UTP11: variants seen among roughly 807,000 people sequenced by gnomAD.
UTP11 encodes the protein UTP11 small subunit processome component, also known as probable U3 small nucleolar RNA-associated protein 11.
UTP11 carries 29 observed loss-of-function variants against 39.0 expected under a neutral mutation model. That is an observed-to-expected ratio of 0.74 (90% CI 0.55 to 1.01). UTP11 has a LOEUF of 1.01. UTP11 is among the 50% of genes least tolerant of loss of function. The pLI is 0.00. For synonymous variants in UTP11, 111 were observed against 105.0 expected, an observed-to-expected ratio of 1.06 and a Z score of -0.35; for missense variants, 281 against 306.0, an observed-to-expected ratio of 0.92 and a Z score of 0.61.
chr1:38,017,558 CTGTG>C, intron 2 of UTP11, 106 bp from the exon 3 acceptor site: 4 of 816,406 alleles, frequency 4.9e-6, no homozygotes, highest in South Asian at 4.2e-5. Context: ...GAGTTTCACT[CTGTG>C]TGACCTTTTA....
chr1:38,018,472 A>G lies in UTP11; in HGVS notation c.237A>G (p.Val79=). ...KMTRVKLQDG[V]HIIKETKEEV... ...TTAAATTTGGATTTTAGGATGGAGT[A>G]CATATTATTAAGGAGACTAAGGAAG... Residue 79 remains valine, a synonymous_variant, in exon 4 of 8, where the codon GTA becomes GTG. Transcript: ENST00000373014. 1 of 1,608,854 alleles carries G rather than the reference A, an allele frequency of 6.2e-7. No homozygotes were observed. Among genetic ancestry groups the G allele is most frequent in the South Asian group, 1.1e-5 (1 of 90,262 alleles).
At chr1:38,018,195 C>T (rs1321047635) in intron 3 of UTP11, among the ~76,000 whole-genome samples, 1 of 152,006 alleles carries the variant, frequency 6.6e-6, no homozygotes, top group African/African-American at 2.4e-5. Flanking sequence ...CTCAGCCTCT[C>T]GAGTAGCTGA....
intron 6 of UTP11, among the ~76,000 whole-genome samples, chr1:38,021,762 G>A (rs971526279): frequency 9.2e-5 from 14 of 151,966 alleles, no homozygotes; most frequent in Non-Finnish European, 1.9e-4. Context: ...GCGTGGTGGC[G>A]GGCACCTGTA....
In UTP11 at chr1:38,019,244, G is replaced by A; in HGVS notation, c.437-9G>A. The A allele has an allele frequency of 6.2e-7, 1 of 1,614,020 alleles. No homozygotes were observed. The highest frequency in any genetic ancestry group is 1.3e-5 in the African/African-American group (1 of 75,014). ...CCGACAGTGCCTTAAGGATTGTCTTGAATTTTAGTTGAACAGTTTGATGTC... is the reference window on the plus strand; with the variant it reads ...CCGACAGTGCCTTAAGGATTGTCTTAAATTTTAGTTGAACAGTTTGATGTC... On this transcript the variant is annotated splice_polypyrimidine_tract_variant and intron_variant, in intron 5 of 7. Transcript: ENST00000373014.
At chr1:38,015,708 T>C (rs116051170) in intron 1 of UTP11, among the ~76,000 whole-genome samples, 1,941 of 152,282 alleles carry the variant, frequency 0.013, 56 homozygotes, top group African/African-American at 0.045. Context: ...AGAAAGTACT[T>C]TCTGTCATAC....
chr1:38,022,832 C>T (rs1202622708), intron 7 of UTP11, 23 bp downstream of exon 7: 3 of 1,489,868 alleles, frequency 2.0e-6, no homozygotes, highest in South Asian at 2.5e-5. Context: ...AGCCTTAGGC[C>T]TCTTTTTTTT....
rs201627703 is a variant in UTP11 at position 38,012,776 on chromosome 1, A to G, written c.-27A>G. The G allele has an allele frequency of 3.7e-6, 6 of 1,614,080 alleles. No homozygotes were observed. Among genetic ancestry groups the G allele is most frequent in the South Asian group, 2.2e-5 (2 of 91,080 alleles). On this transcript the variant is annotated 5_prime_UTR_variant, in exon 1 of 8. Transcript: ENST00000373014. ...AGGCAGTGCGGATCCGGCGTTCTCC[A>G]CTGATCTTTTCCAAGGCTGTACAGA... is the stretch of plus-strand genomic sequence containing the variant.
Position 38,024,579 on chromosome 1 carries a change from G to C in UTP11, c.*951G>C, listed in dbSNP as rs1415272261. On this transcript the variant is annotated 3_prime_UTR_variant, in exon 8 of 8. Coordinates refer to ENST00000373014, the MANE Select transcript of UTP11 (RefSeq NM_016037.4). ...CACCGCGCCTGGCTAATTTTTTTTT[G>C]TATTTTTTTAGTAGAGACGGGGTTT... 2 of 149,758 alleles carry C rather than the reference G, an allele frequency of 1.3e-5. No individual in the cohort carries two copies. Among genetic ancestry groups the C allele is most frequent in the African/African-American group, 4.9e-5 (2 of 40,762 alleles). 9.3% of individuals were successfully genotyped at this position (149,758 alleles called of 1,614,324 possible). A position where few individuals can be genotyped will look rare whatever the true frequency, so the allele number is the denominator to read the frequency against.
At chr1:38,020,255 C>T (rs1474818427) in intron 6 of UTP11, among the ~76,000 whole-genome samples, 1 of 152,038 alleles carries the variant, frequency 6.6e-6, no homozygotes, top group Non-Finnish European at 1.5e-5. Flanking sequence ...GTGTGTGCCA[C>T]CATGCCTAGC....
chr1:38,015,761 A>G (rs928843235), intron 1 of UTP11, among the ~76,000 whole-genome samples: 1 of 152,196 alleles, frequency 6.6e-6, no homozygotes, highest in Non-Finnish European at 1.5e-5. Context: ...AATAATAGTA[A>G]ACTCATGCTG....
intron 1 of UTP11, among the ~76,000 whole-genome samples, chr1:38,015,630 G>A (rs554340455): frequency 1.2e-4 from 19 of 152,154 alleles, no homozygotes; most frequent in Non-Finnish European, 1.5e-4. Context: ...TCAACAAATG[G>A]TAGTATGTAG....
At position 38,018,498 on chromosome 1, in the gene UTP11, A is replaced by G. The variant is rs780539783; in HGVS notation, c.263A>G (p.Glu88Gly). ...GVHIIKETKE[E>G]VTPEQLKLMR... The stretch of plus-strand genomic sequence containing the variant: ...CATATTATTAAGGAGACTAAGGAAG[A>G]AGTAACCCCAGAACAACTAAAGCTG... The change falls in exon 4 of 8, where the codon GAA (glutamate) becomes GGA (glycine). Residue 88 changes from glutamate (E) to glycine (G), a missense_variant. Coordinates refer to ENST00000373014, the MANE Select transcript of UTP11 (RefSeq NM_016037.4). 6.2e-7 allele frequency: 1 copy of G among 1,613,822 alleles called. No homozygotes were observed. The highest frequency in any genetic ancestry group is 1.1e-5 in the South Asian group (1 of 91,016).
chr1:38,020,174 T>C (rs1193833390), intron 6 of UTP11, among the ~76,000 whole-genome samples: 2 of 152,204 alleles, frequency 1.3e-5, no homozygotes, highest in African/African-American at 4.8e-5. Flanking sequence ...TGATTATGGC[T>C]CACTGCAGTC....
chr1:38,023,274 C>T (rs529018570), intron 7 of UTP11, among the ~76,000 whole-genome samples: 30 of 152,088 alleles, frequency 2.0e-4, no homozygotes, highest in Non-Finnish European at 3.7e-4. Flanking sequence ...ACTGGGGTTC[C>T]GTGAGAGAAT....
intron 1 of UTP11, 74 bp downstream of exon 1, chr1:38,012,939 C>T (rs1028942085): frequency 1.0e-5 from 16 of 1,584,192 alleles, no homozygotes; most frequent in Non-Finnish European, 1.4e-5. Flanking sequence ...CTGTCGCCAC[C>T]GTGGGATCCG....
At chr1:38,021,956 C>T (rs527999257) in intron 6 of UTP11, among the ~76,000 whole-genome samples, 2 of 152,006 alleles carry the variant, frequency 1.3e-5, no homozygotes, top group African/African-American at 4.8e-5. Context: ...GTTGATGATT[C>T]CCCAAAATGT....
rs771553461 is a variant in UTP11, at chr1:38,019,289, C to A, written c.473C>A (p.Ala158Asp). The A allele has an allele frequency of 7.4e-6, 12 of 1,613,970 alleles. No individual in the cohort carries two copies. The highest frequency in any genetic ancestry group is 1.0e-5 in the Non-Finnish European group (12 of 1,180,018). ...GATGTCGCAACTCACCTGCAAACAG[C>A]CCCGGAGCTAGTCGACAGAGTCTTT... is the stretch of plus-strand genomic sequence containing the variant. Reference protein sequence around the residue: ...QFDVATHLQTAPELVDRVFNR... With the variant: ...QFDVATHLQTDPELVDRVFNR... The change falls in exon 6 of 8, where the codon GCC becomes GAC. Residue 158 changes from alanine (A) to aspartate (D), a missense_variant. By Grantham distance (126) the Ala-to-Asp change is moderately radical (BLOSUM62 -2). Transcript: ENST00000373014.
chr1:38,021,754 G>A (rs187369699), intron 6 of UTP11, among the ~76,000 whole-genome samples: 146 of 152,152 alleles, frequency 9.6e-4, no homozygotes, highest in Non-Finnish European at 1.7e-3. Flanking sequence ...TTAGCCAGGC[G>A]TGGTGGCGGG....
In UTP11 at chr1:38,019,155, A is replaced by G; in HGVS notation, c.436+3A>G. 6 of 1,614,052 alleles carry G rather than the reference A, an allele frequency of 3.7e-6. No individual in the cohort carries two copies. Among genetic ancestry groups the G allele is most frequent in the Non-Finnish European group, 4.2e-6 (5 of 1,179,990 alleles). On this transcript the variant is annotated splice_donor_region_variant and intron_variant, in intron 5 of 7. Coordinates refer to ENST00000373014, the MANE Select transcript of UTP11 (RefSeq NM_016037.4). ...CTTTTTTGACACCAAAAAGGAAGGT[A>G]TGAAATGTTTGAAGGTTTCTGGGAC...
Sources: gnomAD v4.1 joint callset for allele counts (sites outside exome capture counted in the v4.1 genomes callset) on GRCh38, gnomAD v4.1.1 for gene constraint, MANE v1.5 for transcripts, NCBI Gene and HGNC (gene_info 2026-07-23, HGNC 2026-07-21) for gene names.